The following CHRM3 variants were observed in gnomAD, a reference collection of about 807,000 sequenced individuals.
The protein encoded by CHRM3 is muscarinic acetylcholine receptor M3.
A neutral mutation model predicts 41.8 loss-of-function variants in CHRM3; 11 were observed. That is an observed-to-expected ratio of 0.26 (90% CI 0.17 to 0.44). The LOEUF is 0.44. CHRM3 is among the 20% of genes least tolerant of loss of function. The pLI is 1.00. For missense variants in CHRM3, 571 were observed against 745.4 expected, an observed-to-expected ratio of 0.77 and a Z score of 2.72; for synonymous variants, 297 against 301.4, an observed-to-expected ratio of 0.99 and a Z score of 0.15.
chr1:239,408,803 T>TC (rs1660844806), intron 1 of CHRM3, among the ~76,000 whole-genome samples: 2 of 151,360 alleles, frequency 1.3e-5, no homozygotes, highest in South Asian at 4.2e-4. Context: ...TTTTTTTTTT[T>TC]CAGACATGGG....
intron 1 of CHRM3, among the ~76,000 whole-genome samples, chr1:239,409,396 A>T (rs534384370): frequency 1.3e-5 from 2 of 152,276 alleles, no homozygotes; most frequent in East Asian, 3.9e-4. Context: ...CACTGGAGAC[A>T]TTGTTTCTTT....
chr1:239,417,365 A>G (rs1661571419), intron 1 of CHRM3, among the ~76,000 whole-genome samples: 1 of 152,160 alleles, frequency 6.6e-6, no homozygotes, highest in South Asian at 2.1e-4. Context: ...TTGTCTAAAG[A>G]GTTATTTCTA....
chr1:239,694,329 TG>T (rs1297578431), intron 5 of CHRM3, among the ~76,000 whole-genome samples: 2 of 152,204 alleles, frequency 1.3e-5, no homozygotes, highest in Non-Finnish European at 2.9e-5. Flanking sequence ...TGCCTCACTG[TG>T]AAAACACAAA....
chr1:239,607,528 A>C (rs973747596), intron 3 of CHRM3, among the ~76,000 whole-genome samples: 2 of 152,236 alleles, frequency 1.3e-5, no homozygotes, highest in South Asian at 2.1e-4. Flanking sequence ...CAGTTTCTTC[A>C]ATAATTTGGA....
At chr1:239,588,687 C>T (rs776133097) in intron 3 of CHRM3, among the ~76,000 whole-genome samples, 2 of 152,182 alleles carry the variant, frequency 1.3e-5, no homozygotes, top group Non-Finnish European at 2.9e-5. Context: ...CAAAATGCCA[C>T]TAGACCAGAT....
At chr1:239,452,420 C>T (rs748702308) in intron 1 of CHRM3, among the ~76,000 whole-genome samples, 2 of 152,218 alleles carry the variant, frequency 1.3e-5, no homozygotes, top group African/African-American at 4.8e-5. Context: ...AAATTAATTG[C>T]TTCATTAAGT....
intron 1 of CHRM3, among the ~76,000 whole-genome samples, chr1:239,487,211 A>G (rs1460181711): frequency 6.6e-6 from 1 of 152,160 alleles, no homozygotes; most frequent in African/African-American, 2.4e-5. Flanking sequence ...AGACAAAGCT[A>G]TTTTTAGGAT....
chr1:239,402,665 A>C (rs1217538588), intron 1 of CHRM3, among the ~76,000 whole-genome samples: 2 of 152,180 alleles, frequency 1.3e-5, no homozygotes, highest in African/African-American at 4.8e-5. Context: ...TGTCCTAAAA[A>C]TATTAGGCCT....
chr1:239,747,889 T>C (rs1312727446), intron 5 of CHRM3, among the ~76,000 whole-genome samples: 1 of 151,966 alleles, frequency 6.6e-6, no homozygotes, highest in Non-Finnish European at 1.5e-5. Context: ...GAAAAAAAAT[T>C]AGCTGGGCAT....
Position 239,535,330 on chromosome 1 carries a change from G to A in CHRM3, c.-421-10311G>A, listed in dbSNP as rs556772882. On this transcript the variant is annotated intron_variant, in intron 2 of 6. Transcript: ENST00000676153. ...GTATTATGTACATCTCATACCTAACGCAAAAACCTCTCCATGTATGTTGTC... is the reference window on the plus strand; with the variant it reads ...GTATTATGTACATCTCATACCTAACACAAAAACCTCTCCATGTATGTTGTC... Among the ~76,000 whole-genome samples the A allele has an allele frequency of 1.7e-4, 26 of 151,870 alleles. 1 individual carries two copies. The highest frequency in any genetic ancestry group is 6.3e-4 in the South Asian group (3 of 4,798).
chr1:239,637,827 TA>T (rs1396205511), intron 4 of CHRM3, among the ~76,000 whole-genome samples: 15 of 150,940 alleles, frequency 9.9e-5, no homozygotes, highest in African/African-American at 2.9e-4. Flanking sequence ...GTTAGTTACA[TA>T]TGTATACATG....
intron 5 of CHRM3, among the ~76,000 whole-genome samples, chr1:239,745,358 C>T (rs1162481073): frequency 6.6e-6 from 1 of 151,782 alleles, no homozygotes; most frequent in Non-Finnish European, 1.5e-5. Flanking sequence ...AGACGTGTAC[C>T]TACCTGTTGA....
intron 5 of CHRM3, chr1:239,704,215 C>T (rs187932586): frequency 1.4e-4 from 21 of 152,194 alleles, no homozygotes; most frequent in South Asian, 8.3e-4. Flanking sequence ...AAGATCTGCA[C>T]GTAGGAATCA....
intron 3 of CHRM3, 192 bp downstream of exon 3, chr1:239,545,941 G>A (rs1216111099): frequency 6.6e-6 from 1 of 152,090 alleles, no homozygotes; most frequent in Admixed American, 6.6e-5. Context: ...TATCTATTAG[G>A]TATAAGTATA....
At chr1:239,721,842 C>T (rs1663002809) in intron 5 of CHRM3, among the ~76,000 whole-genome samples, 1 of 151,714 alleles carries the variant, frequency 6.6e-6, no homozygotes, top group Non-Finnish European at 1.5e-5. Flanking sequence ...CAAAACAAAG[C>T]AATGTAATGG....
At chr1:239,756,306 A>G (rs1479511048) in intron 5 of CHRM3, among the ~76,000 whole-genome samples, 3 of 152,184 alleles carry the variant, frequency 2.0e-5, no homozygotes, top group Non-Finnish European at 4.4e-5. Flanking sequence ...AGTCTGTACT[A>G]TGATGAATAA....
intron 4 of CHRM3, among the ~76,000 whole-genome samples, 184 bp downstream of exon 4, chr1:239,632,470 A>C (rs554051315): frequency 2.6e-5 from 4 of 152,346 alleles, no homozygotes; most frequent in African/African-American, 9.6e-5. Flanking sequence ...TCATTTTCTC[A>C]TCAGTTTAAA....
intron 4 of CHRM3, among the ~76,000 whole-genome samples, chr1:239,638,121 C>T (rs1670690541): frequency 6.6e-6 from 1 of 151,370 alleles, no homozygotes; most frequent in South Asian, 2.1e-4. Context: ...CATAGTATTC[C>T]ATGGTGTATA....
intron 1 of CHRM3, among the ~76,000 whole-genome samples, chr1:239,470,007 C>T (rs1370168655): frequency 6.6e-6 from 1 of 152,124 alleles, no homozygotes; most frequent in Admixed American, 6.6e-5. Context: ...ACCCACTGAG[C>T]CTTGTCTGTG....
Sources: allele counts gnomAD v4.1 joint callset (sites outside exome capture counted in the v4.1 genomes callset), GRCh38; gene constraint gnomAD v4.1.1; transcripts MANE v1.5; gene names NCBI Gene and HGNC (gene_info 2026-07-23, HGNC 2026-07-21).